HIF1A: variants seen among roughly 807,000 people sequenced by gnomAD.
The protein encoded by HIF1A is hypoxia inducible factor 1 subunit alpha.
A neutral mutation model predicts 92.7 loss-of-function variants in HIF1A; 24 were observed. The ratio of observed to expected loss-of-function variants is 0.26; its 90% confidence interval spans 0.19 to 0.36. HIF1A has a LOEUF of 0.36. Among genes scored for constraint, HIF1A ranks in the 10% least tolerant of loss-of-function variants. The pLI is 1.00. For synonymous variants in HIF1A, 319 were observed against 338.7 expected, an observed-to-expected ratio of 0.94 and a Z score of 0.64; for missense variants, 799 against 998.5, an observed-to-expected ratio of 0.80 and a Z score of 2.69.
chr14:61,726,841 T>G, intron 5 of HIF1A, 23 bp downstream of exon 5: 1 of 1,317,650 alleles, frequency 7.6e-7, no homozygotes, highest in Admixed American at 1.9e-5. Context: ...TATTTGTGAT[T>G]GATTATACAC....
chr14:61,743,071 A>C (rs2044733549), intron 12 of HIF1A, among the ~76,000 whole-genome samples: 1 of 151,930 alleles, frequency 6.6e-6, no homozygotes, highest in African/African-American at 2.4e-5. Context: ...TCACTTTAGC[A>C]ATTTATTTTT....
At chr14:61,703,144 A>T (rs184762974) in intron 1 of HIF1A, among the ~76,000 whole-genome samples, 6 of 152,332 alleles carry the variant, frequency 3.9e-5, no homozygotes, top group Non-Finnish European at 1.5e-5. Flanking sequence ...GCCCGGCCTC[A>T]TGGTTCTTTC....
chr14:61,716,599 ATTT>A (rs1031280994), intron 1 of HIF1A, among the ~76,000 whole-genome samples: 1 of 151,170 alleles, frequency 6.6e-6, no homozygotes, highest in African/African-American at 2.4e-5. Flanking sequence ...GTGTCCTTTT[ATTT>A]TTTTTTAATT....
Position 61,697,785 on chromosome 14 carries a change from T to C in HIF1A, c.35+1946T>C, listed in dbSNP as rs1230219909. The C allele has an allele frequency of 2.1e-6, 3 of 1,448,894 alleles. No individual in the cohort carries two copies. The African/African-American group carries it at 4.3e-5, about 21-fold the overall frequency. The allele number at this position is 1,448,894 out of a possible 1,614,324, so 89.8% of individuals were successfully genotyped here. A position where few individuals can be genotyped will look rare whatever the true frequency, so the allele number is the denominator to read the frequency against. On this transcript the variant is annotated intron_variant, in intron 1 of 14. Coordinates refer to ENST00000337138, the MANE Select transcript of HIF1A (RefSeq NM_001530.4). The stretch of plus-strand genomic sequence containing the variant: ...ACCTTTTCTAACTAATTTACAGTTT[T>C]TTGAAAGATAACTGAGAGGTTGAGG...
rs576548279 is a variant in HIF1A, at chr14:61,737,036, G to A, written c.1176G>A (p.Lys392=). 2.5e-6 allele frequency: 4 copies of A among 1,614,166 alleles called. No homozygotes were observed. In the African/African-American group the frequency reaches 4.0e-5, roughly 16 times the overall value. ...GTAGCCTCTTTGACAAACTTAAGAA[G>A]GAACCTGATGCTTTAACTTTGCTGG... ...DTSSLFDKLK[K]EPDALTLLAP... is the part of the protein sequence containing the mutation. Residue 392 remains lysine, a synonymous_variant, in exon 9 of 15, where the codon AAG becomes AAA. Transcript: ENST00000337138.
rs1213976769 is a variant in HIF1A, at chr14:61,745,729, T to C, written c.2241T>C (p.Thr747=). Reference sequence around the variant, plus strand: ...AGCAGCCAGACGATCATGCAGCTACTACATCACTTTCTTGGAAACGTGTAA... The same window carrying C: ...AGCAGCCAGACGATCATGCAGCTACCACATCACTTTCTTGGAAACGTGTAA... ...LLQQPDDHAA[T]TSLSWKRVKG... The change falls in exon 14 of 15, where the codon ACT becomes ACC. Residue 747 remains threonine, a synonymous_variant. Transcript: ENST00000337138. 1 of 1,612,528 alleles carries C rather than the reference T, an allele frequency of 6.2e-7. No homozygotes were observed. The highest frequency in any genetic ancestry group is 8.5e-7 in the Non-Finnish European group (1 of 1,178,552).
chr14:61,734,539 A>G (rs1489900833), intron 8 of HIF1A, among the ~76,000 whole-genome samples: 1 of 152,182 alleles, frequency 6.6e-6, no homozygotes, highest in East Asian at 1.9e-4. Context: ...CCATGAAAAA[A>G]ATACCAGATC....
At position 61,724,128 on chromosome 14, in the gene HIF1A, G is replaced by GT. The variant is rs933605171; in HGVS notation, c.457+2315dup. ...GTTTGTTTTTGTTTGTTTGTTTTTT[G>GT]TTTTTTTTTTCCTCATTAGGAAAAC... On this transcript the variant is annotated intron_variant, in intron 4 of 14. Coordinates refer to ENST00000337138, the MANE Select transcript of HIF1A (RefSeq NM_001530.4). 6.7e-3 allele frequency among the ~76,000 whole-genome samples: 956 copies of GT among 141,906 alleles called. 11 individuals carry two copies. Among genetic ancestry groups the GT allele is most frequent in the African/African-American group, 0.022 (849 of 39,316 alleles). The allele number at this position is 141,906 out of a possible 152,430, so 93.1% of individuals were successfully genotyped here.
At chr14:61,728,362 G>T (rs1373503255) in intron 6 of HIF1A, among the ~76,000 whole-genome samples, 1 of 152,084 alleles carries the variant, frequency 6.6e-6, no homozygotes, top group Non-Finnish European at 1.5e-5. Context: ...CTTGCCCATG[G>T]TTTCTATTAC....
At chr14:61,699,495 G>A (rs2044154818) in intron 1 of HIF1A, among the ~76,000 whole-genome samples, 1 of 150,010 alleles carries the variant, frequency 6.7e-6, no homozygotes, top group Admixed American at 6.6e-5. Context: ...AGTTTATTAT[G>A]TTTGGTGGTG....
At chr14:61,744,596 T>C (rs2044754092) in intron 12 of HIF1A, 109 bp from the exon 13 acceptor site, 1 of 538,206 alleles carries the variant, frequency 1.9e-6, no homozygotes, top group Admixed American at 3.7e-5. Flanking sequence ...ATGTATATTA[T>C]ATTCCTTAAT....
At chr14:61,741,410 G>C (rs1376257879) in intron 12 of HIF1A, among the ~76,000 whole-genome samples, 6 of 148,952 alleles carry the variant, frequency 4.0e-5, no homozygotes, top group Non-Finnish European at 5.9e-5. Flanking sequence ...GCCCAGGCTG[G>C]AGTGCAATGG....
intron 1 of HIF1A, among the ~76,000 whole-genome samples, chr14:61,714,258 C>T (rs2044339075): frequency 6.6e-6 from 1 of 152,156 alleles, no homozygotes; most frequent in South Asian, 2.1e-4. Context: ...CTTATGCAAA[C>T]AGCAAGACAA....
chr14:61,722,331 T>G (rs1002771489), intron 4 of HIF1A, among the ~76,000 whole-genome samples: 1 of 152,194 alleles, frequency 6.6e-6, no homozygotes, highest in Non-Finnish European at 1.5e-5. Context: ...TAAGCCATCC[T>G]CTCACCTCGG....
intron 6 of HIF1A, among the ~76,000 whole-genome samples, chr14:61,729,530 T>C (rs1461334512): frequency 1.3e-5 from 2 of 151,394 alleles, no homozygotes; most frequent in Non-Finnish European, 2.9e-5. Flanking sequence ...GTCCATTGAG[T>C]GCCTAGTACA....
At chr14:61,738,498 T>C (rs2044667038) in intron 10 of HIF1A, 125 bp downstream of exon 10, 1 of 945,340 alleles carries the variant, frequency 1.1e-6, no homozygotes. Flanking sequence ...GTTTGAATTT[T>C]AGCACTTTAA....
chr14:61,729,989 G>A (rs563014843), intron 6 of HIF1A, among the ~76,000 whole-genome samples: 77 of 152,180 alleles, frequency 5.1e-4, no homozygotes, highest in African/African-American at 1.8e-3. Flanking sequence ...AACATATCAA[G>A]CTCCTCAACT....
intron 4 of HIF1A, 63 bp downstream of exon 4, chr14:61,721,886 C>T (rs539803640): frequency 8.6e-7 from 1 of 1,161,802 alleles, no homozygotes. Flanking sequence ...GATACTATTG[C>T]TAATTATTAA....
At chr14:61,713,957 C>G (rs964671855) in intron 1 of HIF1A, among the ~76,000 whole-genome samples, 1 of 152,170 alleles carries the variant, frequency 6.6e-6, no homozygotes, top group Non-Finnish European at 1.5e-5. Context: ...GAGAACCCCT[C>G]CTCTCCCGAT....
Sources: allele counts gnomAD v4.1 joint callset (sites outside exome capture counted in the v4.1 genomes callset), GRCh38; gene constraint gnomAD v4.1.1; transcripts MANE v1.5; gene names NCBI Gene and HGNC (gene_info 2026-07-23, HGNC 2026-07-21).